EPHB1: variants seen among roughly 807,000 people sequenced by gnomAD.
The protein encoded by EPHB1 is ephrin type-B receptor 1.
In EPHB1, 30 loss-of-function variants were observed where a neutral mutation model predicts 94.4. The ratio of observed to expected loss-of-function variants is 0.32; its 90% confidence interval spans 0.24 to 0.43. The LOEUF (loss-of-function observed/expected upper bound fraction) is 0.43. Ranked by LOEUF, EPHB1 falls within the 20% of genes least tolerant of loss-of-function variation. EPHB1 has a pLI of 1.00. For synonymous variants in EPHB1, 522 were observed against 489.1 expected, an observed-to-expected ratio of 1.07 and a Z score of -0.89; for missense variants, 1,055 against 1,308.3, an observed-to-expected ratio of 0.81 and a Z score of 2.99.
At chr3:134,981,982 A>G (rs536698480) in intron 3 of EPHB1, among the ~76,000 whole-genome samples, 2 of 152,308 alleles carry the variant, frequency 1.3e-5, no homozygotes, top group East Asian at 1.9e-4. Context: ...AACCCACACT[A>G]CAGCTTTGAG....
chr3:134,935,322 G>A (rs1043704612), intron 2 of EPHB1, among the ~76,000 whole-genome samples: 11 of 152,192 alleles, frequency 7.2e-5, no homozygotes, highest in African/African-American at 2.4e-4. Flanking sequence ...GGGAGGGTCA[G>A]GGTTGTCAGA....
intron 1 of EPHB1, among the ~76,000 whole-genome samples, chr3:134,904,034 G>A (rs1030148813): frequency 6.6e-6 from 1 of 152,212 alleles, no homozygotes; most frequent in Non-Finnish European, 1.5e-5. Flanking sequence ...GCCTTTTCAG[G>A]AGGGTGTGTC....
Position 135,106,395 on chromosome 3 carries a change from G to A in EPHB1, c.806-53G>A, listed in dbSNP as rs1049523301. 3.7e-6 allele frequency: 6 copies of A among 1,604,468 alleles called. No individual in the cohort carries two copies. The African/African-American group carries it at 5.4e-5, about 14-fold the overall frequency. ...ACTCCTTTTCCGGTTGTAGGGAAGA[G>A]TTTCTGGCTGCCACACTTCCATTAA... On this transcript the variant is annotated intron_variant, in intron 3 of 15. Coordinates refer to ENST00000398015, the MANE Select transcript of EPHB1 (RefSeq NM_004441.5).
intron 12 of EPHB1, among the ~76,000 whole-genome samples, chr3:135,224,425 C>T (rs1943347158): frequency 6.6e-6 from 1 of 152,070 alleles, no homozygotes; most frequent in Non-Finnish European, 1.5e-5. Flanking sequence ...ATGTTGTGTC[C>T]TTCCTAGGCT....
chr3:134,980,633 C>T (rs1430197032), intron 3 of EPHB1, among the ~76,000 whole-genome samples: 1 of 152,162 alleles, frequency 6.6e-6, no homozygotes, highest in Non-Finnish European at 1.5e-5. Flanking sequence ...ATTTCTCCAT[C>T]CACATGAGAA....
chr3:135,256,216 A>C (rs954472595), intron 15 of EPHB1, among the ~76,000 whole-genome samples: 2 of 152,138 alleles, frequency 1.3e-5, no homozygotes, highest in African/African-American at 4.8e-5. Flanking sequence ...TAGTCCATTT[A>C]CGTTTAAAGT....
At chr3:134,864,937 G>A (rs995970704) in intron 1 of EPHB1, among the ~76,000 whole-genome samples, 2 of 152,192 alleles carry the variant, frequency 1.3e-5, no homozygotes, top group African/African-American at 4.8e-5. Flanking sequence ...AAGAGGTCAG[G>A]GAACTGAGAT....
intron 1 of EPHB1, among the ~76,000 whole-genome samples, chr3:134,903,548 GAGA>G (rs2038250224): frequency 6.6e-6 from 1 of 152,160 alleles, no homozygotes; most frequent in Non-Finnish European, 1.5e-5. Flanking sequence ...TGCCCTTTCT[GAGA>G]ATCTCCTTCT....
At chr3:135,014,109 C>G (rs2107750308) in intron 3 of EPHB1, among the ~76,000 whole-genome samples, 1 of 152,260 alleles carries the variant, frequency 6.6e-6, no homozygotes, top group East Asian at 1.9e-4. Context: ...AGGTGGTCTT[C>G]CCTCCTACTT....
At chr3:135,224,020 T>G (rs1576480724) in intron 12 of EPHB1, among the ~76,000 whole-genome samples, 1 of 152,232 alleles carries the variant, frequency 6.6e-6, no homozygotes, top group Non-Finnish European at 1.5e-5. Context: ...ATTATATTAC[T>G]GTATTTTTAC....
At chr3:134,982,138 C>T (rs1934424545) in intron 3 of EPHB1, among the ~76,000 whole-genome samples, 1 of 152,314 alleles carries the variant, frequency 6.6e-6, no homozygotes, top group Admixed American at 6.5e-5. Flanking sequence ...TCTTCAATGG[C>T]TACATTACAC....
chr3:134,797,969 C>A (rs2108281204), intron 1 of EPHB1, among the ~76,000 whole-genome samples: 1 of 152,342 alleles, frequency 6.6e-6, no homozygotes, highest in Non-Finnish European at 1.5e-5. Context: ...TCTCTACACA[C>A]GGAGCCGCCT....
intron 1 of EPHB1, among the ~76,000 whole-genome samples, chr3:134,882,788 T>TTCTTTCTTTCTTTCTTTCTTTC (rs2037776321): frequency 1.4e-5 from 1 of 69,098 alleles, no homozygotes; most frequent in African/African-American, 4.7e-5. Context: ...CTTTCTTTCT[T>TTCTTTCTTTCTTTCTTTCTTTC]TCTTTCTTTC....
At chr3:135,216,137 C>T (rs1164508984) in intron 12 of EPHB1, among the ~76,000 whole-genome samples, 1 of 152,172 alleles carries the variant, frequency 6.6e-6, no homozygotes, top group Non-Finnish European at 1.5e-5. Context: ...GACTCAACTT[C>T]CCAGATGCCC....
At chr3:135,013,128 G>A (rs570496592) in intron 3 of EPHB1, among the ~76,000 whole-genome samples, 88 of 152,232 alleles carry the variant, frequency 5.8e-4, no homozygotes, top group African/African-American at 2.0e-3. Context: ...ACGGGATGGG[G>A]AGTCATTTCC....
intron 1 of EPHB1, among the ~76,000 whole-genome samples, chr3:134,854,132 T>C: frequency 6.6e-6 from 1 of 152,150 alleles, no homozygotes; most frequent in East Asian, 1.9e-4. Context: ...GCTCCAGGCA[T>C]ATGACGGGTC....
rs1194251030 is a variant in EPHB1 at position 135,017,788 on chromosome 3, G to A, written c.805+65736G>A. Among the ~76,000 whole-genome samples the A allele has an allele frequency of 3.9e-5, 6 of 152,348 alleles. No homozygotes were observed. In the East Asian group the frequency reaches 1.2e-3, roughly 29 times the overall value. On this transcript the variant is annotated intron_variant, in intron 3 of 15. Coordinates refer to ENST00000398015, the MANE Select transcript of EPHB1 (RefSeq NM_004441.5). Reference sequence around the variant, plus strand: ...TCCTTTGTCTCATTACTTAGAGGCTGAGTGTGTTGGGGTCAAGGACTGTGT... The same window carrying A: ...TCCTTTGTCTCATTACTTAGAGGCTAAGTGTGTTGGGGTCAAGGACTGTGT...
chr3:135,175,083 C>G (rs558674886), intron 9 of EPHB1, among the ~76,000 whole-genome samples: 1 of 152,286 alleles, frequency 6.6e-6, no homozygotes, highest in Admixed American at 6.5e-5. Flanking sequence ...TCACTCCTCT[C>G]CCTCCAGCTT....
chr3:134,860,541 G>A (rs1045939582), intron 1 of EPHB1, among the ~76,000 whole-genome samples: 3 of 152,176 alleles, frequency 2.0e-5, no homozygotes, highest in South Asian at 2.1e-4. Context: ...TTGGCCGGGC[G>A]CGATGGCTCA....
Sources: gnomAD v4.1 joint callset for allele counts (sites outside exome capture counted in the v4.1 genomes callset) on GRCh38, gnomAD v4.1.1 for gene constraint, MANE v1.5 for transcripts, NCBI Gene and HGNC (gene_info 2026-07-23, HGNC 2026-07-21) for gene names.